Variants in LINC00632 observed in about 807,000 individuals in gnomAD.
LINC00632 encodes the protein long independently transcribed non-coding RNA 632, also known as ALDOA related specific transcript.
At chrX:140,748,167 A>G (rs1183040809) in intron 3 of LINC00632, among the ~76,000 whole-genome samples, 1 of 111,988 alleles carries the variant, frequency 8.9e-6, no homozygotes. Flanking sequence ...ACAGTGGATG[A>G]CAACATCTTA....
chrX:140,784,184 C>T (rs773964280), exon 5 of LINC00632: 3 of 1,209,603 alleles, frequency 2.5e-6, no homozygotes, highest in Admixed American at 2.2e-5. Flanking sequence ...CCAGGAAATC[C>T]GTGTCTTCCA....
At chrX:140,727,378 G>A (rs1231590583) in intron 2 of LINC00632, among the ~76,000 whole-genome samples, 3 of 111,560 alleles carry the variant, frequency 2.7e-5, no homozygotes, top group Admixed American at 1.9e-4. Context: ...TGCAACCTCC[G>A]CCTCCTGGGT....
intron 3 of LINC00632, among the ~76,000 whole-genome samples, chrX:140,736,386 A>C (rs1931143093): frequency 9.2e-6 from 1 of 108,803 alleles, no homozygotes; most frequent in Non-Finnish European, 1.9e-5. Flanking sequence ...CAAATCCATA[A>C]ACTTCATTAG....
At chrX:140,785,100 A>G (rs1174020942) in exon 5 of LINC00632, among the ~76,000 whole-genome samples, 1 of 110,236 alleles carries the variant, frequency 9.1e-6, no homozygotes, top group East Asian at 2.8e-4. Flanking sequence ...TTTTAGGTAA[A>G]GTTAACATGT....
At chrX:140,765,603 T>C (rs111589265) in intron 3 of LINC00632, among the ~76,000 whole-genome samples, 3,988 of 111,734 alleles carry the variant, frequency 0.036, 151 homozygotes, top group African/African-American at 0.11. Context: ...TTTGGTGGTA[T>C]GGCAGTTCAG....
intron 3 of LINC00632, among the ~76,000 whole-genome samples, chrX:140,744,714 T>C (rs1399745573): frequency 1.8e-5 from 2 of 109,450 alleles, no homozygotes; most frequent in Non-Finnish European, 1.9e-5. Context: ...GGATTACAGA[T>C]GCACACCACC....
chrX:140,751,305 TTATG>T (rs1255185994), intron 3 of LINC00632, among the ~76,000 whole-genome samples: 1 of 107,015 alleles, frequency 9.3e-6, no homozygotes, highest in Non-Finnish European at 1.9e-5. Flanking sequence ...TTTTTTTTAA[TTATG>T]GCCATTTTTG....
chrX:140,774,901 G>C (rs1392959567), exon 5 of LINC00632, among the ~76,000 whole-genome samples: 4 of 111,202 alleles, frequency 3.6e-5, no homozygotes, highest in African/African-American at 1.3e-4. Flanking sequence ...TACTGTACTT[G>C]GCTGGATAAT....
At chrX:140,772,501 G>C (rs913224734) in exon 4 of LINC00632, 7 of 290,477 alleles carry the variant, frequency 2.4e-5, no homozygotes, top group Non-Finnish European at 4.2e-5. Context: ...GCAAGCAAAA[G>C]AACAAGGAGA....
At chrX:140,731,070 T>G (rs887398485) in intron 2 of LINC00632, among the ~76,000 whole-genome samples, 4 of 110,325 alleles carry the variant, frequency 3.6e-5, no homozygotes, top group Non-Finnish European at 7.6e-5. Context: ...CCCAGCTAAT[T>G]TTTTATATTT....
intron 1 of LINC00632, chrX:140,709,842 C>A (rs1420380033): frequency 3.0e-6 from 1 of 338,622 alleles, no homozygotes; most frequent in South Asian, 2.6e-5. Flanking sequence ...AATAGATATC[C>A]AGACTAAGAT....
At chrX:140,734,621 A>T (rs1931112494) in intron 3 of LINC00632, among the ~76,000 whole-genome samples, 2 of 110,906 alleles carry the variant, frequency 1.8e-5, no homozygotes, top group African/African-American at 3.3e-5. Flanking sequence ...TTGAAAAAAA[A>T]TTTCTGTGAC....
intron 3 of LINC00632, among the ~76,000 whole-genome samples, chrX:140,744,567 T>TGGGG (rs373766988): frequency 1.1e-4 from 2 of 18,213 alleles, no homozygotes; most frequent in Admixed American, 7.6e-4. Flanking sequence ...AGCTTTTTTT[T>TGGGG]GGGGGGGGGG....
At chrX:140,759,281 TTTCTTTCTTTCCTTCC>T (rs1173382290) in intron 3 of LINC00632, among the ~76,000 whole-genome samples, 2 of 93,570 alleles carry the variant, frequency 2.1e-5, no homozygotes, top group African/African-American at 8.6e-5. Context: ...GCCTCTTTTC[TTTCTTTCTTTCCTTCC>T]TTCCTTCCTT....
chrX:140,769,307 G>A (rs1931750557), intron 3 of LINC00632, among the ~76,000 whole-genome samples: 1 of 111,611 alleles, frequency 9.0e-6, no homozygotes, highest in South Asian at 3.8e-4. Context: ...GGCCCCAATT[G>A]CTCCTTCATC....
chrX:140,760,337 A>AG (rs1931577841), intron 3 of LINC00632, among the ~76,000 whole-genome samples: 1 of 112,064 alleles, frequency 8.9e-6, no homozygotes, highest in Non-Finnish European at 1.9e-5. Context: ...GCTATAAAGT[A>AG]GGTTCAGAGG....
In LINC00632 at chrX:140,762,230, A is replaced by AGG. The variant is rs1315018273; in HGVS notation, n.192-9847_192-9846insGG. Among the ~76,000 whole-genome samples, 322 of 107,959 alleles carry AGG rather than the reference A, an allele frequency of 3.0e-3. 2 individuals are homozygous for AGG. Among genetic ancestry groups the AGG allele is most frequent in the Non-Finnish European group, 4.9e-3 (254 of 52,184 alleles). The allele number at this position is 107,959 out of a possible 115,157, so 93.7% of individuals were successfully genotyped here. A position where few individuals can be genotyped will look rare whatever the true frequency, so the allele number is the denominator to read the frequency against. On this transcript the variant is annotated intron_variant and non_coding_transcript_variant, in intron 3 of 4. Coordinates refer to ENST00000648200, the Ensembl canonical transcript of LINC00632. ...CGAAAAGAGAGAGAGAGAGAGAGAGAGAGAGAGAGAGAGCACTCTTATCTT... is the reference window on the plus strand; with the variant it reads ...CGAAAAGAGAGAGAGAGAGAGAGAGAGGGAGAGAGAGAGAGCACTCTTATCTT...
intron 2 of LINC00632, among the ~76,000 whole-genome samples, chrX:140,730,028 C>A (rs1214281436): frequency 9.1e-6 from 1 of 109,514 alleles, no homozygotes; most frequent in African/African-American, 3.3e-5. Flanking sequence ...AGGCGCACGC[C>A]ACCGTGCCCA....
exon 5 of LINC00632, among the ~76,000 whole-genome samples, chrX:140,774,654 T>C (rs1931849611): frequency 8.9e-6 from 1 of 111,939 alleles, no homozygotes; most frequent in South Asian, 3.8e-4. Context: ...CATTGATCCA[T>C]TATCATCTTC....
Sources: gnomAD v4.1 joint callset for allele counts (sites outside exome capture counted in the v4.1 genomes callset) on GRCh38, gnomAD v4.1.1 for gene constraint, MANE v1.5 for transcripts, NCBI Gene and HGNC (gene_info 2026-07-23, HGNC 2026-07-21) for gene names.